The following ADGRL2 variants were observed in gnomAD, a reference collection of about 807,000 sequenced individuals.
The protein encoded by ADGRL2 is adhesion G protein-coupled receptor L2.
Under a neutral mutation model 157.4 loss-of-function variants are expected in ADGRL2, and 44 were observed. That is an observed-to-expected ratio of 0.28 (90% CI 0.22 to 0.36). ADGRL2 has a LOEUF of 0.36. Ranked by LOEUF, ADGRL2 falls within the 10% of genes least tolerant of loss-of-function variation. The pLI is 1.00. For synonymous variants in ADGRL2, 585 were observed against 624.7 expected, an observed-to-expected ratio of 0.94 and a Z score of 0.95; for missense variants, 1,510 against 1,768.9, an observed-to-expected ratio of 0.85 and a Z score of 2.63.
intron 1 of ADGRL2, among the ~76,000 whole-genome samples, chr1:81,440,942 T>C (rs979208153): frequency 1.3e-5 from 2 of 152,222 alleles, no homozygotes; most frequent in African/African-American, 4.8e-5. Context: ...AACAGCCTAC[T>C]ATCTTCCTCA....
intron 11 of ADGRL2, among the ~76,000 whole-genome samples, chr1:81,959,492 A>C (rs1465966665): frequency 6.6e-6 from 1 of 152,028 alleles, no homozygotes. Context: ...AGAAGTTTTT[A>C]ATTTTGATTT....
At chr1:81,596,524 C>G in intron 3 of ADGRL2, 1 of 378,800 alleles carries the variant, frequency 2.6e-6, no homozygotes. Context: ...GCGCGGCTCC[C>G]TGACCGACTT....
In ADGRL2 at chr1:81,936,735, A is replaced by G; in HGVS notation, c.295A>G (p.Asn99Asp). ...AFKIMTQRCN[N>D]RTQCIVVTGS... ...ATACATTTTGTTTTTCAGGTGCAAC[A>G]ATCGAACACAGTGTATAGTAGTTAC... The change falls in exon 4 of 24, where the codon AAT (asparagine) becomes GAT (aspartate). Residue 99 changes from asparagine (N) to aspartate (D), a missense_variant. Asn to Asp is a conservative substitution (Grantham distance 23, BLOSUM62 1). Around this residue, in one of 4 missense-constraint regions of ADGRL2, gnomAD observed 361 missense variants for 498.4 expected, o/e 0.72. Coordinates refer to ENST00000686636, the MANE Select transcript of ADGRL2 (RefSeq NM_001366006.2). The G allele has an allele frequency of 6.4e-7, 1 of 1,571,894 alleles. No homozygotes were observed. Among genetic ancestry groups the G allele is most frequent in the Non-Finnish European group, 8.7e-7 (1 of 1,150,080 alleles).
intron 1 of ADGRL2, among the ~76,000 whole-genome samples, chr1:81,754,491 C>T (rs538546412): frequency 7.8e-4 from 102 of 131,528 alleles, no homozygotes; most frequent in South Asian, 2.2e-3. Flanking sequence ...CCCTTTCCTT[C>T]CTTCTTTCCT....
chr1:81,892,041 T>C (rs1225269456), intron 2 of ADGRL2, among the ~76,000 whole-genome samples: 1 of 151,892 alleles, frequency 6.6e-6, no homozygotes, highest in Non-Finnish European at 1.5e-5. Context: ...GAATTTCAGT[T>C]TCTATTAGAG....
rs201557410 is a variant in ADGRL2, at chr1:81,386,271, AG to A, written c.-301-58763del. On this transcript the variant is annotated intron_variant, in intron 1 of 24. Coordinates refer to the ADGRL2 transcript ENST00000370721. Reference sequence around the variant, plus strand: ...ACCTAATAGAATAAACCTAGTAAGCAGGAAACCATTTAGAGTAGTTGATTTG... The same window carrying A: ...ACCTAATAGAATAAACCTAGTAAGCAGAAACCATTTAGAGTAGTTGATTTG... Among the ~76,000 whole-genome samples, 338 of 152,284 alleles carry A rather than the reference AG, an allele frequency of 2.2e-3. 5 individuals carry two copies. In the East Asian group the frequency reaches 0.025, roughly 11 times the overall value.
intron 2 of ADGRL2, among the ~76,000 whole-genome samples, chr1:81,861,547 C>T (rs373739436): frequency 9.2e-5 from 14 of 152,042 alleles, no homozygotes; most frequent in African/African-American, 3.1e-4. Context: ...TTGATTATGT[C>T]GGTATCAATT....
chr1:81,447,857 C>G (rs572725357), intron 2 of ADGRL2, among the ~76,000 whole-genome samples: 2 of 152,218 alleles, frequency 1.3e-5, no homozygotes, highest in East Asian at 3.9e-4. Context: ...GGGAAGTGAT[C>G]TGATCATGGG....
chr1:81,402,958 A>G (rs1342502178), intron 1 of ADGRL2, among the ~76,000 whole-genome samples: 1 of 152,228 alleles, frequency 6.6e-6, no homozygotes, highest in African/African-American at 2.4e-5. Flanking sequence ...ACTACATATA[A>G]TTCTTACATT....
intron 3 of ADGRL2, among the ~76,000 whole-genome samples, chr1:81,679,964 T>C (rs890827373): frequency 5.3e-5 from 8 of 152,236 alleles, no homozygotes; most frequent in African/African-American, 1.9e-4. Flanking sequence ...TTGTAAGTCT[T>C]ATTTATAAGG....
At chr1:81,808,167 T>C (rs1457322235) in intron 1 of ADGRL2, among the ~76,000 whole-genome samples, 1 of 152,028 alleles carries the variant, frequency 6.6e-6, no homozygotes, top group East Asian at 1.9e-4. Context: ...TATGAAGTAA[T>C]ATAGTTTGTC....
chr1:81,969,597 C>T (rs1324056598), intron 15 of ADGRL2, among the ~76,000 whole-genome samples: 2 of 152,014 alleles, frequency 1.3e-5, no homozygotes, highest in Non-Finnish European at 2.9e-5. Flanking sequence ...AAGATACAGT[C>T]GAATTTTTCT....
At chr1:81,524,496 G>A (rs570512502) in intron 2 of ADGRL2, among the ~76,000 whole-genome samples, 1 of 152,158 alleles carries the variant, frequency 6.6e-6, no homozygotes, top group Non-Finnish European at 1.5e-5. Context: ...TATATAGGAT[G>A]CCATTACAGT....
intron 3 of ADGRL2, among the ~76,000 whole-genome samples, chr1:81,636,650 C>T (rs888422774): frequency 1.3e-5 from 2 of 151,912 alleles, no homozygotes; most frequent in African/African-American, 4.8e-5. Context: ...AAACTGAGCT[C>T]GCCAGAACCA....
intron 1 of ADGRL2, among the ~76,000 whole-genome samples, chr1:81,390,420 C>A (rs1198962669): frequency 6.6e-6 from 1 of 152,304 alleles, no homozygotes; most frequent in Admixed American, 6.5e-5. Flanking sequence ...ATTGGTATAA[C>A]ATATTGGTAT....
chr1:81,888,382 G>A (rs949388980), intron 2 of ADGRL2, among the ~76,000 whole-genome samples: 3 of 152,070 alleles, frequency 2.0e-5, no homozygotes, highest in African/African-American at 4.8e-5. Flanking sequence ...AAATGAGTCC[G>A]GCATATAGGA....
intron 1 of ADGRL2, among the ~76,000 whole-genome samples, chr1:81,360,961 C>T (rs2075967085): frequency 1.3e-5 from 2 of 151,854 alleles, no homozygotes; most frequent in Non-Finnish European, 2.9e-5. Flanking sequence ...AATAGTAAAT[C>T]TGTAGATAAC....
chr1:81,563,649 A>G (rs2080495685), intron 2 of ADGRL2, among the ~76,000 whole-genome samples: 1 of 152,170 alleles, frequency 6.6e-6, no homozygotes, highest in African/African-American at 2.4e-5. Flanking sequence ...GTGAGGAAAG[A>G]TCTAAAAGGA....
At chr1:81,461,836 A>G (rs2077934710) in intron 2 of ADGRL2, among the ~76,000 whole-genome samples, 1 of 151,760 alleles carries the variant, frequency 6.6e-6, no homozygotes, top group African/African-American at 2.4e-5. Flanking sequence ...TAAAGGCATG[A>G]AATGAAACAA....
Sources: allele counts gnomAD v4.1 joint callset (sites outside exome capture counted in the v4.1 genomes callset), GRCh38; gene constraint gnomAD v4.1.1; regional missense constraint gnomAD v4.1.1; transcripts MANE v1.5; gene names NCBI Gene and HGNC (gene_info 2026-07-23, HGNC 2026-07-21).